The following MARCHF10 variants were observed in gnomAD, a reference collection of about 807,000 sequenced individuals.
The protein encoded by MARCHF10 is probable E3 ubiquitin-protein ligase MARCHF10.
A neutral mutation model predicts 76.2 loss-of-function variants in MARCHF10; 64 were observed. The ratio of observed to expected loss-of-function variants is 0.84; its 90% CI spans 0.69 to 1.03. MARCHF10 has a LOEUF of 1.03. Among genes scored for constraint, MARCHF10 ranks in the 50% least tolerant of loss-of-function variants. MARCHF10 has a pLI of 0.00. For missense variants in MARCHF10, 875 were observed against 958.0 expected (o/e 0.91, Z 1.14); for synonymous variants, 340 against 357.5 (o/e 0.95, Z 0.55).
chr17:62,711,385 T>C lies in MARCHF10; in HGVS notation c.2215-41A>G, dbSNP rs767733184. ...AAAGCTCTTCAGTTCATCTGTAAAA[T>C]AGTCATGGTCTAAATTGTGGGATGC... On this transcript the variant is annotated intron_variant, in intron 8 of 10. Transcript: ENST00000311269. This position sits in a 1 kb window ranked among gnomAD's most constrained non-coding sequence, Gnocchi z 4.4. 2.5e-6 allele frequency: 4 copies of C among 1,580,678 alleles called. No homozygotes were observed. Among genetic ancestry groups the C allele is most frequent in the African/African-American group, 2.7e-5 (2 of 74,218 alleles).
Position 62,736,468 on chromosome 17 carries a change from T to C in MARCHF10, c.1400A>G (p.Asn467Ser). ...TGATGCAGGAGGGTTATAGGATGAA[T>C]TCACTGATGATCTTGGAGATATTGG... Reference protein sequence around the residue: ...GRPISPRSSVNSSYNPPASFM... With the variant: ...GRPISPRSSVSSSYNPPASFM... Residue 467 changes from asparagine to serine, a missense_variant, in exon 6 of 11, where the codon AAT becomes AGT. Coordinates refer to ENST00000311269, the MANE Select transcript of MARCHF10 (RefSeq NM_152598.4). 1 of 1,614,160 alleles carries C rather than the reference T, an allele frequency of 6.2e-7. No homozygotes were observed. The highest frequency in any genetic ancestry group is 8.5e-7 in the Non-Finnish European group (1 of 1,180,010).
intron 4 of MARCHF10, among the ~76,000 whole-genome samples, chr17:62,756,123 C>T (rs146382990): frequency 0.01 from 1,552 of 152,258 alleles, 28 homozygotes; most frequent in African/African-American, 0.036. Flanking sequence ...TGGCGCATGT[C>T]TGTAATCCCA....
At position 62,701,745 on chromosome 17, in the gene MARCHF10, T is replaced by C. The variant is rs2089248045; in HGVS notation, c.2385A>G (p.Gly795=). ...GAGAAATGCTGCCTTCATTTCCATC[T>C]CCCAACTCCGAATCTGGAAGGCAAG... The part of the protein sequence containing the change: ...RTEENENSEL[G]DGNEGSISQS... The change falls in exon 11 of 11, where the codon GGA becomes GGG. Residue 795 remains glycine, a synonymous_variant. Transcript: ENST00000311269. 3.7e-6 allele frequency: 6 copies of C among 1,614,108 alleles called. No individual in the cohort carries two copies. Among genetic ancestry groups the C allele is most frequent in the Non-Finnish European group, 4.2e-6 (5 of 1,180,036 alleles).
At position 62,738,313 on chromosome 17, in the gene MARCHF10, G is replaced by A. The variant is rs1347647282; in HGVS notation, c.536-981C>T. ...CCCTTAAGAAACTGGCTGGCCTTCCGATTTCCTTGTGAAAATGAGAATCCA... is the reference window on the plus strand; with the variant it reads ...CCCTTAAGAAACTGGCTGGCCTTCCAATTTCCTTGTGAAAATGAGAATCCA... On this transcript the variant is annotated intron_variant, in intron 5 of 10. Coordinates refer to ENST00000311269, the MANE Select transcript of MARCHF10 (RefSeq NM_152598.4). This position sits in a 1 kb window ranked among gnomAD's most constrained non-coding sequence, Gnocchi z 4.0. 1.3e-5 allele frequency among the ~76,000 whole-genome samples: 2 copies of A among 152,122 alleles called. No individual in the cohort carries two copies. Among genetic ancestry groups the A allele is most frequent in the Non-Finnish European group, 2.9e-5 (2 of 68,028 alleles).
At chr17:62,776,329 A>G (rs1206579208) in intron 3 of MARCHF10, among the ~76,000 whole-genome samples, 2 of 152,226 alleles carry the variant, frequency 1.3e-5, no homozygotes, top group Non-Finnish European at 2.9e-5. Context: ...CTGAGCTGGG[A>G]TAACAATTGG....
chr17:62,768,944 C>T (rs1256483478), intron 3 of MARCHF10, among the ~76,000 whole-genome samples: 2 of 152,198 alleles, frequency 1.3e-5, no homozygotes, highest in Non-Finnish European at 2.9e-5. Flanking sequence ...CACAATGTCT[C>T]TTTAGTTTTT....
chr17:62,728,104 A>C (rs530147339), intron 6 of MARCHF10, among the ~76,000 whole-genome samples: 1 of 152,334 alleles, frequency 6.6e-6, no homozygotes, highest in Non-Finnish European at 1.5e-5. Context: ...AGCTCACTGC[A>C]ACCTCAAGCT....
At chr17:62,726,827 C>T (rs1409395982) in intron 6 of MARCHF10, among the ~76,000 whole-genome samples, 1 of 152,038 alleles carries the variant, frequency 6.6e-6, no homozygotes, top group African/African-American at 2.4e-5. Context: ...TAGGGTTTCA[C>T]CATGTTGGCC....
At chr17:62,748,755 C>T (rs1381647905) in intron 4 of MARCHF10, among the ~76,000 whole-genome samples, 1 of 152,090 alleles carries the variant, frequency 6.6e-6, no homozygotes, top group Non-Finnish European at 1.5e-5. Flanking sequence ...AAAAGAGTTT[C>T]GAACCCTCAA....
chr17:62,748,470 C>T (rs988286884), intron 4 of MARCHF10, among the ~76,000 whole-genome samples: 5 of 152,078 alleles, frequency 3.3e-5, no homozygotes, highest in Admixed American at 6.6e-5. Flanking sequence ...GGCATGGTGG[C>T]TCATGTCTGT....
chr17:62,736,415 T>G lies in MARCHF10; in HGVS notation c.1453A>C (p.Ile485Leu). Reference sequence around the variant, plus strand: ...GATGACATTGACAAGTCTACTGGAATATCATCTCTCAGAGCAGAATGCATG... The same window carrying G: ...GATGACATTGACAAGTCTACTGGAAGATCATCTCTCAGAGCAGAATGCATG... ...SFMHSALRDD[I>L]PVDLSMSSTS... is the part of the protein sequence containing the mutation. The change falls in exon 6 of 11, where the codon ATT becomes CTT. Residue 485 changes from isoleucine to leucine, a missense_variant. Coordinates refer to ENST00000311269, the MANE Select transcript of MARCHF10 (RefSeq NM_152598.4). The G allele has an allele frequency of 6.2e-7, 1 of 1,614,186 alleles. No homozygotes were observed. The highest frequency in any genetic ancestry group is 8.5e-7 in the Non-Finnish European group (1 of 1,180,022).
At chr17:62,802,466 C>T (rs931300345) in intron 1 of MARCHF10, among the ~76,000 whole-genome samples, 43 of 152,076 alleles carry the variant, frequency 2.8e-4, no homozygotes, top group African/African-American at 9.4e-4. Context: ...GTGATTCACT[C>T]GCCTCAGCCT....
rs185508033 is a variant in MARCHF10 at position 62,715,202 on chromosome 17, C to T, written c.2215-3858G>A. Among the ~76,000 whole-genome samples the T allele has an allele frequency of 2.0e-3, 303 of 152,312 alleles. 3 individuals are homozygous for T. Among genetic ancestry groups the T allele is most frequent in the Non-Finnish European group, 5.9e-4 (40 of 68,030 alleles). ...CACTGATCTAAACTAAGGGTGAGCA[C>T]GTGGTAGCTGCTAAGCTGAATCTGG... is the stretch of plus-strand genomic sequence containing the variant. On this transcript the variant is annotated intron_variant, in intron 8 of 10. Coordinates refer to ENST00000311269, the MANE Select transcript of MARCHF10 (RefSeq NM_152598.4).
At chr17:62,705,754 C>T (rs2089547403) in intron 9 of MARCHF10, among the ~76,000 whole-genome samples, 173 bp from the exon 10 acceptor site, 1 of 152,120 alleles carries the variant, frequency 6.6e-6, no homozygotes, top group African/African-American at 2.4e-5. Flanking sequence ...TGGCAGGGCT[C>T]AGCCTCATCC....
At chr17:62,726,587 G>A (rs2090766838) in intron 6 of MARCHF10, among the ~76,000 whole-genome samples, 1 of 152,188 alleles carries the variant, frequency 6.6e-6, no homozygotes, top group East Asian at 1.9e-4. Context: ...GAGAGATCTT[G>A]CAAGTTTGAG....
chr17:62,701,549 A>C lies in MARCHF10; in HGVS notation c.*154T>G. ...GTGGCTGCCCATAGATGCTCAAGCCAGACCCCAAAAGAGAGTGGCACGAGG... is the reference window on the plus strand; with the variant it reads ...GTGGCTGCCCATAGATGCTCAAGCCCGACCCCAAAAGAGAGTGGCACGAGG... On this transcript the variant is annotated 3_prime_UTR_variant, in exon 11 of 11. Transcript: ENST00000311269. 6.5e-7 allele frequency: 1 copy of C among 1,527,566 alleles called. No homozygotes were observed. Among genetic ancestry groups the C allele is most frequent in the Non-Finnish European group, 8.8e-7 (1 of 1,135,174 alleles). The allele number at this position is 1,527,566 out of a possible 1,614,324, so 94.6% of individuals were successfully genotyped here. A position where few individuals can be genotyped will look rare whatever the true frequency, so the allele number is the denominator to read the frequency against.
At chr17:62,773,759 G>A (rs181429463) in intron 3 of MARCHF10, among the ~76,000 whole-genome samples, 10 of 152,280 alleles carry the variant, frequency 6.6e-5, no homozygotes, top group Non-Finnish European at 5.9e-5. Context: ...AGAGAGGAGG[G>A]CGTGAAGATT....
intron 3 of MARCHF10, among the ~76,000 whole-genome samples, chr17:62,777,828 C>A: frequency 6.6e-6 from 1 of 151,804 alleles, no homozygotes. Flanking sequence ...CCACAAGGAG[C>A]AGTCTGTCTG....
Position 62,704,922 on chromosome 17 carries a change from T to C in MARCHF10, c.2371+617A>G, listed in dbSNP as rs2089480148. On this transcript the variant is annotated intron_variant, in intron 10 of 10. Transcript: ENST00000311269. ...AGTCTGACTTCGAGCCCGCCTGCTT[T>C]ATTAAGCACGTTTTTCTCCAGTCGT... is the stretch of plus-strand genomic sequence containing the variant. 10 of 985,014 alleles carry C rather than the reference T, an allele frequency of 1.0e-5. No individual in the cohort carries two copies. The South Asian group carries it at 4.7e-4, about 46-fold the overall frequency. The allele number at this position is 985,014 out of a possible 1,614,324, so 61.0% of individuals were successfully genotyped here.
Sources: gnomAD v4.1 joint callset for allele counts (sites outside exome capture counted in the v4.1 genomes callset) on GRCh38, gnomAD v4.1.1 for gene constraint, Gnocchi (gnomAD v3.1) non-coding constraint, MANE v1.5 for transcripts, NCBI Gene and HGNC (gene_info 2026-07-23, HGNC 2026-07-21) for gene names.